The following SLC25A25 variants were observed in gnomAD, a reference collection of about 807,000 sequenced individuals.
SLC25A25 encodes solute carrier family 25 member 25, also known as mitochondrial adenyl nucleotide antiporter SLC25A25.
A neutral mutation model predicts 57.7 loss-of-function variants in SLC25A25; 32 were observed. The observed-to-expected ratio is 0.55, with a 90% CI of 0.42 to 0.74. The LOEUF is 0.74. Ranked by LOEUF, SLC25A25 falls within the 30% of genes least tolerant of loss-of-function variation. The pLI is 0.00. For missense variants in SLC25A25, 556 were observed against 701.3 expected (o/e 0.79, Z 2.34); for synonymous variants, 306 against 291.2 (o/e 1.05, Z -0.52).
At position 128,099,127 on chromosome 9, in the gene SLC25A25, T is replaced by A; in HGVS notation, c.262-1969T>A. ...GAGCTGCCCGTCCCTGGTGTGGGGGTGAGGGAGCCTCCCGCCTTCTCGACT... is the reference window on the plus strand; with the variant it reads ...GAGCTGCCCGTCCCTGGTGTGGGGGAGAGGGAGCCTCCCGCCTTCTCGACT... On this transcript the variant is annotated intron_variant, in intron 1 of 10. Coordinates refer to ENST00000373069, the MANE Select transcript of SLC25A25 (RefSeq NM_001330988.2). This position sits in a 1 kb window ranked among gnomAD's most constrained non-coding sequence, Gnocchi z 6.8. The A allele has an allele frequency of 8.3e-7, 1 of 1,210,042 alleles. No homozygotes were observed. Among genetic ancestry groups the A allele is most frequent in the Non-Finnish European group, 1.0e-6 (1 of 952,482 alleles). 75.0% of individuals were successfully genotyped at this position (1,210,042 alleles called of 1,614,324 possible).
At chr9:128,091,741 A>G (rs929206320) in intron 1 of SLC25A25, 3 of 1,474,654 alleles carry the variant, frequency 2.0e-6, no homozygotes, top group Non-Finnish European at 2.7e-6. Context: ...CCGCCCCTGC[A>G]TGCAGAGCTT....
At chr9:128,097,539 G>A (rs192095044) in intron 1 of SLC25A25, among the ~76,000 whole-genome samples, 33 of 152,258 alleles carry the variant, frequency 2.2e-4, no homozygotes, top group African/African-American at 7.2e-4. Context: ...GGCAATTCTC[G>A]TGTCTCAGCC....
intron 1 of SLC25A25, among the ~76,000 whole-genome samples, chr9:128,076,955 C>T (rs1833029901): frequency 6.6e-6 from 1 of 152,132 alleles, no homozygotes; most frequent in Non-Finnish European, 1.5e-5. Context: ...TAATTGGAGT[C>T]ACTGTGAGTT....
intron 1 of SLC25A25, among the ~76,000 whole-genome samples, chr9:128,093,189 T>C (rs1260110187): frequency 2.0e-5 from 3 of 150,680 alleles, no homozygotes; most frequent in Non-Finnish European, 3.0e-5. Flanking sequence ...GGGAGAAGTC[T>C]TCGTCTTTGA....
intron 1 of SLC25A25, among the ~76,000 whole-genome samples, chr9:128,081,119 T>C (rs966948317): frequency 3.9e-5 from 6 of 152,212 alleles, no homozygotes; most frequent in Non-Finnish European, 7.3e-5. Context: ...CTGAATTGTT[T>C]AGGAGAGCTG....
intron 1 of SLC25A25, among the ~76,000 whole-genome samples, chr9:128,097,697 T>C (rs1833602014): frequency 6.6e-6 from 1 of 152,246 alleles, no homozygotes; most frequent in African/African-American, 2.4e-5. Context: ...TTGAAGACTG[T>C]GGGTCTCATG....
At chr9:128,072,937 T>C (rs377568912) in intron 1 of SLC25A25, among the ~76,000 whole-genome samples, 15 of 152,336 alleles carry the variant, frequency 9.8e-5, no homozygotes, top group African/African-American at 3.4e-4. Context: ...AGCTGAGGCT[T>C]TGGGGCTCTT....
intron 6 of SLC25A25, 39 bp from the exon 7 acceptor site, chr9:128,105,690 C>A (rs1588794287): frequency 1.2e-6 from 2 of 1,611,108 alleles, no homozygotes; most frequent in Non-Finnish European, 1.7e-6. Flanking sequence ...CAGCCTGTGG[C>A]CCCCCGGGTC....
chr9:128,073,663 A>G (rs531609280), intron 1 of SLC25A25, among the ~76,000 whole-genome samples: 1 of 152,310 alleles, frequency 6.6e-6, no homozygotes, highest in African/African-American at 2.4e-5. Flanking sequence ...AAATTCATAT[A>G]TTAAACTAAT....
rs759304684 is a variant in SLC25A25 at position 128,106,207 on chromosome 9, G to A, written c.994G>A (p.Ala332Thr). 1 of 1,614,198 alleles carries A rather than the reference G, an allele frequency of 6.2e-7. No individual in the cohort carries two copies. Among genetic ancestry groups the A allele is most frequent in the East Asian group, 2.2e-5 (1 of 44,886 alleles). ...TCTGAGGATTCACGAGAGGCTTGTGGCAGGGTCCTTGGCAGGGGCCATCGC... is the reference window on the plus strand; with the variant it reads ...TCTGAGGATTCACGAGAGGCTTGTGACAGGGTCCTTGGCAGGGGCCATCGC... ...ETLRIHERLV[A>T]GSLAGAIAQS... Residue 332 changes from alanine to threonine, a missense_variant, in exon 8 of 11, where the codon GCA becomes ACA. By Grantham distance (58) the Ala-to-Thr change is moderately conservative. Around this residue, in one of 3 missense-constraint regions of SLC25A25, gnomAD observed 294 missense variants for 389.6 expected, o/e 0.75. Transcript: ENST00000373069.
At position 128,108,129 on chromosome 9, in the gene SLC25A25, C is replaced by T. The variant is rs964104396; in HGVS notation, c.*685C>T. 3 of 399,596 alleles carry T rather than the reference C, an allele frequency of 7.5e-6. No homozygotes were observed. The highest frequency in any genetic ancestry group is 1.3e-5 in the Non-Finnish European group (3 of 226,590). 24.8% of individuals were successfully genotyped at this position (399,596 alleles called of 1,614,324 possible). On this transcript the variant is annotated 3_prime_UTR_variant, in exon 11 of 11. Coordinates refer to ENST00000373069, the MANE Select transcript of SLC25A25 (RefSeq NM_001330988.2). Reference sequence around the variant, plus strand: ...CTGCCTGGCCTGGCTGCACAGAAGGCAAGTGCTGGGGCTCATGGTGCTCTG... The same window carrying T: ...CTGCCTGGCCTGGCTGCACAGAAGGTAAGTGCTGGGGCTCATGGTGCTCTG...
chr9:128,070,714 G>C (rs1291857993), intron 1 of SLC25A25, among the ~76,000 whole-genome samples: 1 of 151,458 alleles, frequency 6.6e-6, no homozygotes, highest in Non-Finnish European at 1.5e-5. Flanking sequence ...CACTTTGGGA[G>C]GCCAAGCCGG....
chr9:128,071,382 G>C (rs1475586679), intron 1 of SLC25A25, among the ~76,000 whole-genome samples: 3 of 152,014 alleles, frequency 2.0e-5, no homozygotes, highest in Non-Finnish European at 2.9e-5. Flanking sequence ...GTTTAGTATA[G>C]AGTGTATTTC....
Position 128,099,520 on chromosome 9 carries a change from C to A in SLC25A25, c.262-1576C>A. 3.4e-6 allele frequency: 2 copies of A among 588,208 alleles called. No individual in the cohort carries two copies. The highest frequency in any genetic ancestry group is 4.7e-6 in the Non-Finnish European group (2 of 422,626). 36.4% of individuals were successfully genotyped at this position (588,208 alleles called of 1,614,324 possible). On this transcript the variant is annotated intron_variant, in intron 1 of 10. Coordinates refer to ENST00000373069, the MANE Select transcript of SLC25A25 (RefSeq NM_001330988.2). This position sits in a 1 kb window ranked among gnomAD's most constrained non-coding sequence, Gnocchi z 6.8. ...TCGCCTCCTGCCTAAATGGCTTGTC[C>A]ACTCTATTTCCATTCCTGTTAGAGA... is the stretch of plus-strand genomic sequence containing the variant.
chr9:128,091,947 A>G (rs369778912), intron 1 of SLC25A25: 3 of 1,613,846 alleles, frequency 1.9e-6, no homozygotes, highest in South Asian at 1.1e-5. Flanking sequence ...GAGGGGGACG[A>G]TCGTGAAGTC....
intron 1 of SLC25A25, among the ~76,000 whole-genome samples, chr9:128,070,689 C>T (rs1832885955): frequency 2.0e-5 from 3 of 151,684 alleles, no homozygotes; most frequent in Middle Eastern, 3.2e-3. Context: ...CAGTGGCTTA[C>T]GCCTGTAATC....
chr9:128,094,108 G>A (rs574242412), intron 1 of SLC25A25, among the ~76,000 whole-genome samples: 12 of 152,250 alleles, frequency 7.9e-5, no homozygotes, highest in East Asian at 1.9e-4. Flanking sequence ...AGATTGTGCC[G>A]CTGTACTCCA....
At position 128,102,084 on chromosome 9, in the gene SLC25A25, C is replaced by G. The variant is rs991058347; in HGVS notation, c.481C>G (p.Arg161Gly). 2 of 1,550,468 alleles carry G rather than the reference C, an allele frequency of 1.3e-6. No individual in the cohort carries two copies. The highest frequency in any genetic ancestry group is 2.7e-5 in the African/African-American group (2 of 73,024). The part of the protein sequence containing the change: ...QQAEKILKRI[R>G]TGHFWGPVTY... ...CATCCTTTGTCTGTCTGTCAGAATA[C>G]GAACGGGCCATTTCTGGGGCCCTGT... is the stretch of plus-strand genomic sequence containing the variant. Residue 161 changes from arginine to glycine, a missense_variant, in exon 4 of 11, where the codon CGA (arginine) becomes GGA (glycine). By Grantham distance (125) the Arg-to-Gly change is moderately radical (BLOSUM62 -2). Transcript: ENST00000373069. The surrounding 1 kb of genome is among the most constrained non-coding windows in gnomAD (Gnocchi z 4.1).
At chr9:128,070,159 T>G (rs1475922089) in intron 1 of SLC25A25, among the ~76,000 whole-genome samples, 3 of 139,358 alleles carry the variant, frequency 2.2e-5, no homozygotes, top group African/African-American at 7.8e-5. Flanking sequence ...GGTGCGATCT[T>G]GGCTCACTGC....
Sources: allele counts gnomAD v4.1 joint callset (sites outside exome capture counted in the v4.1 genomes callset), GRCh38; gene constraint gnomAD v4.1.1; regional missense constraint gnomAD v4.1.1; non-coding constraint Gnocchi (gnomAD v3.1); transcripts MANE v1.5; gene names NCBI Gene and HGNC (gene_info 2026-07-23, HGNC 2026-07-21).